The following CACNA1B variants were observed in gnomAD, a reference collection of about 807,000 sequenced individuals.
CACNA1B encodes calcium voltage-gated channel subunit alpha1 B.
In CACNA1B, 70 loss-of-function variants were observed where a neutral mutation model predicts 247.2. The observed-to-expected ratio is 0.28, with a 90% CI of 0.23 to 0.35. The LOEUF (loss-of-function observed/expected upper bound fraction) is 0.35. Among genes scored for constraint, CACNA1B ranks in the 10% least tolerant of loss-of-function variants. The pLI, the probability that CACNA1B is intolerant of heterozygous loss-of-function variation, is 1.00. For missense variants in CACNA1B, 2,367 were observed against 3,197.4 expected, an observed-to-expected ratio of 0.74 and a Z score of 6.26; for synonymous variants, 1,231 against 1,294.4, an observed-to-expected ratio of 0.95 and a Z score of 1.05.
At position 138,050,454 on chromosome 9, in the gene CACNA1B, C is replaced by T. The variant is rs1387779299; in HGVS notation, c.3710+1139C>T. 6.6e-6 allele frequency among the ~76,000 whole-genome samples: 1 copy of T among 152,240 alleles called. No individual in the cohort carries two copies. The highest frequency in any genetic ancestry group is 2.4e-5 in the African/African-American group (1 of 41,462). On this transcript the variant is annotated intron_variant, in intron 24 of 46. Coordinates refer to ENST00000371372, the MANE Select transcript of CACNA1B (RefSeq NM_000718.4). This position sits in a 1 kb window ranked among gnomAD's most constrained non-coding sequence, Gnocchi z 5.2. ...ATCGCGAGGCGCTCCCGGTGCAGCT[C>T]CTCTCTGGAAGAGCGGCATTCTTTC... is the stretch of plus-strand genomic sequence containing the variant.
chr9:137,918,243 G>A (rs1008912601), intron 6 of CACNA1B, among the ~76,000 whole-genome samples: 3 of 151,920 alleles, frequency 2.0e-5, no homozygotes, highest in South Asian at 2.1e-4. Context: ...GCTCCCTCAC[G>A]TTGCCTCTGC....
At chr9:137,958,222 A>AAC (rs906414371) in intron 10 of CACNA1B, among the ~76,000 whole-genome samples, 7 of 152,206 alleles carry the variant, frequency 4.6e-5, no homozygotes, top group Non-Finnish European at 8.8e-5. Context: ...TAAAACAGGA[A>AAC]ACACACACAC....
In CACNA1B at chr9:137,880,434, C is replaced by A. The variant is rs1172955740; in HGVS notation, c.390+1275C>A. Among the ~76,000 whole-genome samples, 1 of 151,986 alleles carries A rather than the reference C, an allele frequency of 6.6e-6. No homozygotes were observed. Among genetic ancestry groups the A allele is most frequent in the African/African-American group, 2.4e-5 (1 of 41,376 alleles). On this transcript the variant is annotated intron_variant, in intron 2 of 46. Coordinates refer to ENST00000371372, the MANE Select transcript of CACNA1B (RefSeq NM_000718.4). The surrounding 1 kb of genome is among the most constrained non-coding windows in gnomAD (Gnocchi z 4.8). ...AGAAGAGGGTGAGCTTGAGAGGAAA[C>A]AGGCAGAGAGCCTTGAATGCCAAGT...
In CACNA1B at chr9:138,023,383, TGCCCGGG is replaced by T; in HGVS notation, c.2641_2647del (p.Ala881ArgfsTer126). 1 of 1,225,598 alleles carries T rather than the reference TGCCCGGG, an allele frequency of 8.2e-7. No individual in the cohort carries two copies. The highest frequency in any genetic ancestry group is 1.0e-6 in the Non-Finnish European group (1 of 976,188). The allele number at this position is 1,225,598 out of a possible 1,614,324, so 75.9% of individuals were successfully genotyped here. A position where few individuals can be genotyped will look rare whatever the true frequency, so the allele number is the denominator to read the frequency against. On this transcript the variant is annotated frameshift_variant, in exon 19 of 47. Transcript: ENST00000371372. LOFTEE classifies it high-confidence loss of function. ...CGAAGGCGGAGAGCGGGGAGCCCGG[TGCCCGGG>T]AGGAGCGGCCGCGGCCGCACCGCAG...
At chr9:138,064,681 G>C (rs1959852357) in intron 31 of CACNA1B, among the ~76,000 whole-genome samples, 1 of 152,198 alleles carries the variant, frequency 6.6e-6, no homozygotes, top group African/African-American at 2.4e-5. Context: ...CAGGGCTCTT[G>C]GTTGCCATTG....
chr9:137,987,714 A>T (rs1311760260), intron 15 of CACNA1B, among the ~76,000 whole-genome samples: 1 of 152,070 alleles, frequency 6.6e-6, no homozygotes, highest in Non-Finnish European at 1.5e-5. Flanking sequence ...CGAAGGGAGG[A>T]AGTCTTACCA....
At chr9:138,099,456 C>T (rs1961174595) in intron 37 of CACNA1B, among the ~76,000 whole-genome samples, 1 of 152,002 alleles carries the variant, frequency 6.6e-6, no homozygotes, top group African/African-American at 2.4e-5. Context: ...CCCATGTGTG[C>T]ATGTGTGTGC....
rs199783714 is a variant in CACNA1B, at chr9:138,059,642, C to G, written c.4585-12C>G. 7.8e-5 allele frequency: 122 copies of G among 1,563,468 alleles called. No homozygotes were observed. The highest frequency in any genetic ancestry group is 9.8e-5 in the Non-Finnish European group (111 of 1,134,068). On this transcript the variant is annotated splice_polypyrimidine_tract_variant and intron_variant, in intron 30 of 46. Transcript: ENST00000371372. The surrounding 1 kb of genome is among the most constrained non-coding windows in gnomAD (Gnocchi z 4.2). ...TCAGCCGCTGGCACTAACTGCTCTTCTTTTTCTCTAGAACTATTTCAGAGA... is the reference window on the plus strand; with the variant it reads ...TCAGCCGCTGGCACTAACTGCTCTTGTTTTTCTCTAGAACTATTTCAGAGA...
chr9:138,023,269 C>G lies in CACNA1B; in HGVS notation c.2526C>G (p.Pro842=). The G allele has an allele frequency of 6.6e-7, 1 of 1,515,514 alleles. No individual in the cohort carries two copies. The highest frequency in any genetic ancestry group is 2.0e-4 in the Middle Eastern group (1 of 5,114). The allele number at this position is 1,515,514 out of a possible 1,614,324, so 93.9% of individuals were successfully genotyped here. A position where few individuals can be genotyped will look rare whatever the true frequency, so the allele number is the denominator to read the frequency against. ...CCCGACCTGAGGCTGCGGAGGCCCC[C>G]GAGGGCGTCGACCCTCCGCGCAGGC... is the stretch of plus-strand genomic sequence containing the variant. ...GKARPEAAEA[P]EGVDPPRRHH... Residue 842 remains proline (P), a synonymous_variant, in exon 19 of 47, where the codon CCC becomes CCG. Transcript: ENST00000371372.
chr9:137,884,973 C>G lies in CACNA1B; in HGVS notation c.530+2090C>G, dbSNP rs1404194225. Among the ~76,000 whole-genome samples, 31 of 131,630 alleles carry G rather than the reference C, an allele frequency of 2.4e-4. No homozygotes were observed. In the East Asian group the frequency reaches 6.3e-3, roughly 27 times the overall value. The allele number at this position is 131,630 out of a possible 152,430, so 86.4% of individuals were successfully genotyped here. A position where few individuals can be genotyped will look rare whatever the true frequency, so the allele number is the denominator to read the frequency against. On this transcript the variant is annotated intron_variant, in intron 3 of 46. Transcript: ENST00000371372. ...CTCCCCTCTTCCCCCCCCCCCTCCT[C>G]CCACTTTGCCTGTCTAGCCCTTTGT...
rs1269601283 is a variant in CACNA1B at position 137,986,225 on chromosome 9, A to T, written c.1770-188A>T. On this transcript the variant is annotated intron_variant, in intron 13 of 46. Transcript: ENST00000371372. The surrounding 1 kb of genome is among the most constrained non-coding windows in gnomAD (Gnocchi z 6.0). ...TGGGTGTGTTTTTCTCTGCCTTCCC[A>T]TGGGGCCCTCAGGGAGAGAAGTCCA... 6.6e-6 allele frequency among the ~76,000 whole-genome samples: 1 copy of T among 152,118 alleles called. No individual in the cohort carries two copies. The highest frequency in any genetic ancestry group is 6.5e-5 in the Admixed American group (1 of 15,278).
At chr9:137,889,871 C>T (rs1436725020) in intron 3 of CACNA1B, among the ~76,000 whole-genome samples, 1 of 146,460 alleles carries the variant, frequency 6.8e-6, no homozygotes, top group Non-Finnish European at 1.5e-5. Context: ...TGTGTCTCCC[C>T]CCTCCCTCTC....
intron 21 of CACNA1B, 85 bp downstream of exon 21, chr9:138,043,985 T>TA: frequency 6.6e-7 from 1 of 1,503,840 alleles, no homozygotes; most frequent in African/African-American, 1.6e-5. Flanking sequence ...CAGCGTGCAC[T>TA]GATTCTGCGC....
rs200546797 is a variant in CACNA1B at position 138,006,894 on chromosome 9, T to C, written c.2092+10T>C. On this transcript the variant is annotated intron_variant, in intron 16 of 46. Coordinates refer to ENST00000371372, the MANE Select transcript of CACNA1B (RefSeq NM_000718.4). The stretch of plus-strand genomic sequence containing the variant: ...ACACTGTTCGGAAACTGTATCCTTC[T>C]GTGGGGCTGGGGCAGAGGGTGGTCA... 7.8e-5 allele frequency: 114 copies of C among 1,456,284 alleles called. 1 individual carries two copies. In the African/African-American group the frequency reaches 1.5e-3, roughly 19 times the overall value. The allele number at this position is 1,456,284 out of a possible 1,614,324, so 90.2% of individuals were successfully genotyped here.
chr9:138,043,604 C>T (rs1425251535), intron 20 of CACNA1B, among the ~76,000 whole-genome samples, 170 bp from the exon 21 acceptor site: 4 of 152,236 alleles, frequency 2.6e-5, no homozygotes, highest in East Asian at 1.9e-4. Context: ...TCCTGGCTGT[C>T]GTGCGCCACG....
At position 137,965,408 on chromosome 9, in the gene CACNA1B, C is replaced by T. The variant is rs114307441; in HGVS notation, c.1334-5975C>T. On this transcript the variant is annotated intron_variant, in intron 10 of 46. Transcript: ENST00000371372. The stretch of plus-strand genomic sequence containing the variant: ...TAAAATCAAGTCTATTGGCCGGGCG[C>T]GGTGGCGCATGCCTGTAATCCCAGC... Among the ~76,000 whole-genome samples, 1,218 of 152,238 alleles carry T rather than the reference C, an allele frequency of 8.0e-3. 14 individuals carry two copies. The highest frequency in any genetic ancestry group is 0.028 in the African/African-American group (1,169 of 41,530).
intron 6 of CACNA1B, among the ~76,000 whole-genome samples, chr9:137,951,259 G>C (rs893462879): frequency 6.6e-6 from 1 of 152,228 alleles, no homozygotes; most frequent in African/African-American, 2.4e-5. Flanking sequence ...AATCTCAGGG[G>C]CCAGCCTGGA....
Position 137,916,410 on chromosome 9 carries a change from A to C in CACNA1B, c.776-831A>C, listed in dbSNP as rs548935805. On this transcript the variant is annotated intron_variant, in intron 5 of 46. Transcript: ENST00000371372. ...GAAGGGGGTAAACGTGCTGCTTGCTATCTTGTTCCAGAGATTAGCAGTGGT... is the reference window on the plus strand; with the variant it reads ...GAAGGGGGTAAACGTGCTGCTTGCTCTCTTGTTCCAGAGATTAGCAGTGGT... Among the ~76,000 whole-genome samples the C allele has an allele frequency of 6.4e-4, 97 of 152,106 alleles. 2 individuals carry two copies. In the South Asian group the frequency reaches 0.019, roughly 30 times the overall value.
At chr9:138,087,834 C>A (rs1207214857) in intron 36 of CACNA1B, among the ~76,000 whole-genome samples, 1 of 149,260 alleles carries the variant, frequency 6.7e-6, no homozygotes, top group African/African-American at 2.5e-5. Flanking sequence ...GGAGAAGAAA[C>A]ATAGCATGCC....
Sources: allele counts gnomAD v4.1 joint callset (sites outside exome capture counted in the v4.1 genomes callset), GRCh38; gene constraint gnomAD v4.1.1; non-coding constraint Gnocchi (gnomAD v3.1); transcripts MANE v1.5; gene names NCBI Gene and HGNC (gene_info 2026-07-23, HGNC 2026-07-21).